MTCL3: variants seen among roughly 807,000 people sequenced by gnomAD.
MTCL3 encodes the protein microtubule cross-linking factor 3.
chr6:127,518,748 C>A, the MTCL3 span: 2 of 152,150 alleles, frequency 1.3e-5, no homozygotes, highest in East Asian at 3.9e-4. Flanking sequence ...GCTCGCTCGC[C>A]GCAGTTCCAC....
the MTCL3 span, chr6:127,482,934 C>CT: frequency 6.2e-7 from 1 of 1,606,924 alleles, no homozygotes; most frequent in South Asian, 1.1e-5. The surrounding 1 kb of genome is among the most constrained non-coding windows in gnomAD (Gnocchi z 4.1). Context: ...TCTGTTGAGC[C>CT]TTTTTTTCAG....
the MTCL3 span, among the ~76,000 whole-genome samples, chr6:127,477,654 T>C: frequency 6.6e-6 from 1 of 152,128 alleles, no homozygotes; most frequent in African/African-American, 2.4e-5. Context: ...GCCTTTGAGA[T>C]GGAAGAGATG....
chr6:127,499,994 A>G, the MTCL3 span, among the ~76,000 whole-genome samples: 2 of 151,958 alleles, frequency 1.3e-5, no homozygotes, highest in African/African-American at 4.8e-5. Context: ...TTCCTCAGCT[A>G]TGTCTTCATT....
chr6:127,516,948 G>A, the MTCL3 span, among the ~76,000 whole-genome samples: 2 of 152,156 alleles, frequency 1.3e-5, no homozygotes, highest in African/African-American at 4.8e-5. Flanking sequence ...ACATTCTCAT[G>A]GTAGCAGGCT....
At chr6:127,515,963 G>C in the MTCL3 span, 2 of 1,603,382 alleles carry the variant, frequency 1.2e-6, no homozygotes, top group Non-Finnish European at 1.7e-6. This position sits in a 1 kb window ranked among gnomAD's most constrained non-coding sequence, Gnocchi z 4.3. Context: ...GAGGAGGATG[G>C]AGAAGGGGAG....
the MTCL3 span, among the ~76,000 whole-genome samples, chr6:127,501,055 G>T: frequency 6.6e-6 from 1 of 152,188 alleles, no homozygotes; most frequent in Non-Finnish European, 1.5e-5. Context: ...CTCGTGATCT[G>T]CCTGCCTTGG....
the MTCL3 span, among the ~76,000 whole-genome samples, chr6:127,500,892 A>G: frequency 6.6e-6 from 1 of 151,934 alleles, no homozygotes; most frequent in South Asian, 2.1e-4. Context: ...GCTCACTGCA[A>G]CCTCCACCTC....
chr6:127,498,822 G>A, the MTCL3 span, among the ~76,000 whole-genome samples: 1 of 151,946 alleles, frequency 6.6e-6, no homozygotes. Flanking sequence ...AGGTACAAAA[G>A]GTTACATATT....
chr6:127,511,102 C>T, the MTCL3 span, among the ~76,000 whole-genome samples: 1 of 152,184 alleles, frequency 6.6e-6, no homozygotes, highest in African/African-American at 2.4e-5. Context: ...CAGAGAGCTA[C>T]AGGGAGAATG....
the MTCL3 span, among the ~76,000 whole-genome samples, chr6:127,474,729 C>T: frequency 6.6e-6 from 1 of 152,132 alleles, no homozygotes; most frequent in African/African-American, 2.4e-5. Context: ...CAGGTGCGTG[C>T]CACCACACCC....
At chr6:127,491,811 C>T in the MTCL3 span, among the ~76,000 whole-genome samples, 4 of 143,548 alleles carry the variant, frequency 2.8e-5, no homozygotes, top group Non-Finnish European at 6.0e-5. Context: ...TTCGAGGCTG[C>T]AGTAAACTAT....
the MTCL3 span, among the ~76,000 whole-genome samples, chr6:127,517,191 G>C: frequency 6.6e-6 from 1 of 152,150 alleles, no homozygotes; most frequent in Non-Finnish European, 1.5e-5. Flanking sequence ...AGAGGAAAAG[G>C]GTTATGATGT....
the MTCL3 span, chr6:127,482,983 A>G: frequency 6.2e-7 from 1 of 1,602,344 alleles, no homozygotes; most frequent in South Asian, 1.1e-5. The surrounding 1 kb of genome is among the most constrained non-coding windows in gnomAD (Gnocchi z 4.1). Context: ...TTTTAAGGAT[A>G]ACTGAAACAA....
At chr6:127,493,342 G>A in the MTCL3 span, among the ~76,000 whole-genome samples, 1 of 152,116 alleles carries the variant, frequency 6.6e-6, no homozygotes, top group Middle Eastern at 3.2e-3. Flanking sequence ...GAATAGAGAA[G>A]GGAAGAAAAG....
the MTCL3 span, among the ~76,000 whole-genome samples, chr6:127,491,612 G>A: frequency 1.3e-5 from 2 of 152,032 alleles, no homozygotes; most frequent in Non-Finnish European, 2.9e-5. Flanking sequence ...TACTGCTGTG[G>A]TCTAAAACAG....
At chr6:127,493,551 A>C in the MTCL3 span, among the ~76,000 whole-genome samples, 9 of 152,176 alleles carry the variant, frequency 5.9e-5, no homozygotes, top group African/African-American at 2.2e-4. Flanking sequence ...TGGCATACAG[A>C]TGTTTATGTC....
At chr6:127,515,540 G>T in the MTCL3 span, 1 of 1,459,208 alleles carries the variant, frequency 6.9e-7, no homozygotes, top group Non-Finnish European at 9.0e-7. The surrounding 1 kb of genome is among the most constrained non-coding windows in gnomAD (Gnocchi z 4.3). Flanking sequence ...TCCTCTCGCA[G>T]CTTCTCCATC....
the MTCL3 span, among the ~76,000 whole-genome samples, chr6:127,500,968 C>CGA: frequency 6.6e-6 from 1 of 152,094 alleles, no homozygotes; most frequent in Non-Finnish European, 1.5e-5. Flanking sequence ...CGTGCCATCA[C>CGA]GCCTGGCTAA....
the MTCL3 span, among the ~76,000 whole-genome samples, chr6:127,485,290 A>G: frequency 5.3e-5 from 8 of 150,864 alleles, no homozygotes; most frequent in East Asian, 2.0e-4. Context: ...AGGAAAAGGG[A>G]AAAAAAAAGG....
Sources: allele counts gnomAD v4.1 joint callset (sites outside exome capture counted in the v4.1 genomes callset), GRCh38; gene constraint gnomAD v4.1.1; non-coding constraint Gnocchi (gnomAD v3.1); transcripts MANE v1.5; gene names NCBI Gene and HGNC (gene_info 2026-07-23, HGNC 2026-07-21).